The following NANOG variants were observed in gnomAD, a reference collection of about 807,000 sequenced individuals.
NANOG encodes the protein Nanog homeobox, also known as homeobox protein NANOG.
In NANOG, 2 loss-of-function variants were observed where a neutral mutation model predicts 17.7. The ratio of observed to expected loss-of-function variants is 0.11; its 90% CI spans 0.05 to 0.36. The LOEUF (loss-of-function observed/expected upper bound fraction) is 0.36. NANOG is among the 10% of genes least tolerant of loss of function. NANOG has a pLI of 1.00. For synonymous variants in NANOG, 81 were observed against 124.7 expected, an observed-to-expected ratio of 0.65 and a Z score of 2.33; for missense variants, 174 against 362.1, an observed-to-expected ratio of 0.48 and a Z score of 4.22.
At chr12:7,790,918 T>C (rs185211334) in intron 1 of NANOG, among the ~76,000 whole-genome samples, 1 of 152,004 alleles carries the variant, frequency 6.6e-6, no homozygotes, top group African/African-American at 2.4e-5. Flanking sequence ...AATTAAAAAA[T>C]TATTTTTGTA....
chr12:7,792,221 G>A (rs1862850747), intron 1 of NANOG, among the ~76,000 whole-genome samples: 3 of 152,148 alleles, frequency 2.0e-5, no homozygotes, highest in Admixed American at 2.0e-4. Flanking sequence ...AGAATCCCCA[G>A]AATCATGGCA....
chr12:7,790,101 C>A (rs12817193), intron 1 of NANOG, among the ~76,000 whole-genome samples: 48 of 97,000 alleles, frequency 4.9e-4, no homozygotes, highest in Non-Finnish European at 7.1e-4. Flanking sequence ...TGTACATCTT[C>A]ACATAGTGCT....
intron 2 of NANOG, among the ~76,000 whole-genome samples, chr12:7,793,857 T>G (rs1236340530): frequency 1.3e-5 from 2 of 152,162 alleles, no homozygotes; most frequent in African/African-American, 4.8e-5. Context: ...TTCTCCTGCC[T>G]CAGCCTCCCA....
In NANOG at chr12:7,793,311, C is replaced by T. The variant is rs768068822; in HGVS notation, c.414+99C>T. 8.7e-5 allele frequency: 94 copies of T among 1,084,826 alleles called. 1 individual carries two copies. In the African/African-American group the frequency reaches 1.4e-3, roughly 17 times the overall value. 67.2% of individuals were successfully genotyped at this position (1,084,826 alleles called of 1,614,324 possible). On this transcript the variant is annotated intron_variant, in intron 2 of 3. Coordinates refer to ENST00000229307, the MANE Select transcript of NANOG (RefSeq NM_024865.4). ...GCATGTAGATGTGTGTACTATGTGT[C>T]CGTACATCGCCTCTTGCAAATAATT...
intron 2 of NANOG, 145 bp from the exon 3 acceptor site, chr12:7,794,312 A>C: frequency 1.3e-5 from 9 of 707,954 alleles, no homozygotes; most frequent in Non-Finnish European, 2.1e-5. Context: ...GGCTCAAGCA[A>C]TCTGCCCGCC....
chr12:7,789,728 G>A lies in NANOG; in HGVS notation c.114G>A (p.Leu38=), dbSNP rs1565475785. The change falls in exon 1 of 4, where the codon TTG becomes TTA. Residue 38 remains leucine, a synonymous_variant. Coordinates refer to ENST00000229307, the MANE Select transcript of NANOG (RefSeq NM_024865.4). Reference sequence around the variant, plus strand: ...GGCCTGAAGAAAACTATCCATCCTTGCAAATGTCTTCTGCTGAGATGCCTC... The same window carrying A: ...GGCCTGAAGAAAACTATCCATCCTTACAAATGTCTTCTGCTGAGATGCCTC... ...ICGPEENYPS[L]QMSSAEMPHT... is the part of the protein sequence containing the mutation. 3 of 1,614,096 alleles carry A rather than the reference G, an allele frequency of 1.9e-6. No individual in the cohort carries two copies. Among genetic ancestry groups the A allele is most frequent in the Non-Finnish European group, 2.5e-6 (3 of 1,180,036 alleles).
rs1018568742 is a variant in NANOG at position 7,799,035 on chromosome 12, A to G, written c.*3940A>G. ...TTCCTGGGTGTGAGGTTGAAGTGAA[A>G]CTTGATTGAAAAGAAGCTGCTGGTG... On this transcript the variant is annotated 3_prime_UTR_variant, in exon 4 of 4. Coordinates refer to ENST00000229307, the MANE Select transcript of NANOG (RefSeq NM_024865.4). 5.3e-5 allele frequency: 8 copies of G among 151,686 alleles called. No homozygotes were observed. Among genetic ancestry groups the G allele is most frequent in the African/African-American group, 1.9e-4 (8 of 41,278 alleles). 9.4% of individuals were successfully genotyped at this position (151,686 alleles called of 1,614,324 possible).
Position 7,795,280 on chromosome 12 carries a change from T to A in NANOG, c.*185T>A. ...TTGGAGCCTAATCAGCGAGGTTTCTTTTTTTTTTTTTTTCCTATTGGATCT... is the reference window on the plus strand; with the variant it reads ...TTGGAGCCTAATCAGCGAGGTTTCTATTTTTTTTTTTTTCCTATTGGATCT... On this transcript the variant is annotated 3_prime_UTR_variant, in exon 4 of 4. Coordinates refer to ENST00000229307, the MANE Select transcript of NANOG (RefSeq NM_024865.4). 1.0e-5 allele frequency: 1 copy of A among 97,670 alleles called. No individual in the cohort carries two copies. The highest frequency in any genetic ancestry group is 5.2e-5 in the East Asian group (1 of 19,148). The allele number at this position is 97,670 out of a possible 1,614,324, so 6.1% of individuals were successfully genotyped here.
chr12:7,791,087 T>G (rs546492940), intron 1 of NANOG, among the ~76,000 whole-genome samples: 9 of 148,866 alleles, frequency 6.0e-5, no homozygotes, highest in Non-Finnish European at 1.0e-4. Context: ...TGTTCTTGCC[T>G]TTATAATTTC....
intron 1 of NANOG, among the ~76,000 whole-genome samples, chr12:7,791,541 C>G (rs1862840925): frequency 6.6e-6 from 1 of 152,282 alleles, no homozygotes; most frequent in African/African-American, 2.4e-5. Flanking sequence ...GCTTCCTCTG[C>G]TTTTCAGATC....
At chr12:7,790,871 C>T (rs1335369210) in intron 1 of NANOG, among the ~76,000 whole-genome samples, 3 of 152,044 alleles carry the variant, frequency 2.0e-5, no homozygotes, top group Non-Finnish European at 2.9e-5. Context: ...AGCCTCCCAA[C>T]TACTAGGACA....
In NANOG at chr12:7,789,699, TGTGGGCCTGAA is replaced by T. The variant is rs1253250874; in HGVS notation, c.87_97del (p.Cys29Ter). 1 of 1,614,236 alleles carries T rather than the reference TGTGGGCCTGAA, an allele frequency of 6.2e-7. No individual in the cohort carries two copies. The highest frequency in any genetic ancestry group is 1.3e-5 in the African/African-American group (1 of 75,072). On this transcript the variant is annotated frameshift_variant, in exon 1 of 4. Transcript: ENST00000229307. LOFTEE classifies it high-confidence loss of function. ...AGAATCTTCACCTATGCCTGTGATT[TGTGGGCCTGAA>T]GAAAACTATCCATCCTTGCAAATGT...
At position 7,795,634 on chromosome 12, in the gene NANOG, T is replaced by A. The variant is rs1459445674; in HGVS notation, c.*539T>A. The A allele has an allele frequency of 6.5e-5, 3 of 45,882 alleles. No homozygotes were observed. In the Admixed American group the frequency reaches 7.0e-4, roughly 11 times the overall value. 2.8% of individuals were successfully genotyped at this position (45,882 alleles called of 1,614,324 possible). The stretch of plus-strand genomic sequence containing the variant: ...ACCGCGCCCTGCCTAGAAAAGACAT[T>A]TTAATAACCTTGGCTGCCGTCTCTG... On this transcript the variant is annotated 3_prime_UTR_variant, in exon 4 of 4. Transcript: ENST00000229307.
intron 2 of NANOG, among the ~76,000 whole-genome samples, chr12:7,794,019 A>C (rs117680954): frequency 0.032 from 4,838 of 152,284 alleles, 181 homozygotes; most frequent in East Asian, 0.1. Flanking sequence ...TGCTAGGATT[A>C]CAGGTGTGAA....
At chr12:7,790,686 G>T (rs919168983) in intron 1 of NANOG, among the ~76,000 whole-genome samples, 1 of 152,178 alleles carries the variant, frequency 6.6e-6, no homozygotes. Context: ...AGAGTAGGTT[G>T]TGGAAAAGGA....
At chr12:7,793,808 T>C (rs774608975) in intron 2 of NANOG, among the ~76,000 whole-genome samples, 4 of 152,212 alleles carry the variant, frequency 2.6e-5, no homozygotes, top group Admixed American at 6.5e-5. Flanking sequence ...TTGGTTTAAG[T>C]ACAAATGGAT....
At chr12:7,793,309 G>A in intron 2 of NANOG, 97 bp downstream of exon 2, 1 of 1,154,550 alleles carries the variant, frequency 8.7e-7, no homozygotes, top group Non-Finnish European at 1.2e-6. Flanking sequence ...TGTACTATGT[G>A]TCCGTACATC....
intron 1 of NANOG, among the ~76,000 whole-genome samples, chr12:7,790,611 AT>A (rs1446401632): frequency 6.6e-6 from 1 of 152,202 alleles, no homozygotes; most frequent in Non-Finnish European, 1.5e-5. Flanking sequence ...CAAGAATGCC[AT>A]TGGTAACACT....
intron 1 of NANOG, 70 bp from the exon 2 acceptor site, chr12:7,792,880 A>AT (rs1455084894): frequency 1.4e-6 from 2 of 1,464,054 alleles, no homozygotes; most frequent in Non-Finnish European, 9.2e-7. Flanking sequence ...TTTGAAAACA[A>AT]TTTTTTTAAA....
Sources: gnomAD v4.1 joint callset for allele counts (sites outside exome capture counted in the v4.1 genomes callset) on GRCh38, gnomAD v4.1.1 for gene constraint, MANE v1.5 for transcripts, NCBI Gene and HGNC (gene_info 2026-07-23, HGNC 2026-07-21) for gene names.